Variants in GRID2 observed in about 807,000 individuals in gnomAD.
GRID2 encodes glutamate receptor ionotropic, delta-2.
In GRID2, 33 loss-of-function variants were observed where a neutral mutation model predicts 114.8. The ratio of observed to expected loss-of-function variants is 0.29; its 90% CI spans 0.22 to 0.38. The LOEUF (loss-of-function observed/expected upper bound fraction) is 0.38, where lower values mean the gene tolerates loss of function less well. Among genes scored for constraint, GRID2 ranks in the 10% least tolerant of loss-of-function variants. GRID2 has a pLI of 1.00. For missense variants in GRID2, 1,184 were observed against 1,257.7 expected (o/e 0.94, Z 0.89); for synonymous variants, 505 against 449.9 (o/e 1.12, Z -1.55).
intron 1 of GRID2, among the ~76,000 whole-genome samples, chr4:92,496,287 C>A (rs1278435971): frequency 1.3e-5 from 2 of 151,824 alleles, no homozygotes; most frequent in Non-Finnish European, 2.9e-5. Context: ...TGTCAGAAAT[C>A]AGTTTCTAAC....
intron 1 of GRID2, among the ~76,000 whole-genome samples, chr4:92,411,414 C>T (rs1330949714): frequency 6.6e-6 from 1 of 151,898 alleles, no homozygotes; most frequent in Non-Finnish European, 1.5e-5. Flanking sequence ...AGAGATCAAT[C>T]TCCAGCAAAA....
At chr4:92,935,200 C>T (rs1578522130) in intron 2 of GRID2, among the ~76,000 whole-genome samples, 1 of 145,896 alleles carries the variant, frequency 6.9e-6, no homozygotes, top group African/African-American at 2.4e-5. Flanking sequence ...AAGAAAAAAA[C>T]AACCCCATCA....
intron 1 of GRID2, among the ~76,000 whole-genome samples, chr4:92,485,319 TATATATATATATATATATATATATATATA>T (rs1560662822): frequency 1.1e-5 from 1 of 92,860 alleles, no homozygotes; most frequent in Non-Finnish European, 2.4e-5. Flanking sequence ...TATATATATA[TATATATATATATATATATATATATATATA>T]GTGTGTGTGT....
intron 2 of GRID2, among the ~76,000 whole-genome samples, chr4:92,917,111 T>C (rs945432565): frequency 2.6e-5 from 4 of 152,110 alleles, no homozygotes; most frequent in African/African-American, 9.7e-5. Context: ...CTCTGACCAG[T>C]GATGATGAGC....
intron 1 of GRID2, among the ~76,000 whole-genome samples, chr4:93,784,071 CAAAAAAAAAAAAAAA>C (rs70942993): frequency 1.8e-4 from 7 of 38,988 alleles, no homozygotes; most frequent in South Asian, 1.7e-3. Flanking sequence ...GACTCCGTCT[CAAAAAAAAAAAAAAA>C]AAAAAAAAAA....
rs147662765 is a variant in GRID2, at chr4:92,796,825, G to A, written c.244+206539G>A. Among the ~76,000 whole-genome samples the A allele has an allele frequency of 5.1e-3, 773 of 151,630 alleles. 3 individuals are homozygous for A. Among genetic ancestry groups the A allele is most frequent in the Non-Finnish European group, 9.0e-3 (613 of 67,866 alleles). ...GAACTTTAGACTTTTCCCCTTCCTC[G>A]TCAGATAATGACTTCACTTGTTCTC... On this transcript the variant is annotated intron_variant, in intron 2 of 15. Transcript: ENST00000282020.
chr4:92,879,555 A>G (rs138242942), intron 2 of GRID2, among the ~76,000 whole-genome samples: 161 of 152,318 alleles, frequency 1.1e-3, no homozygotes, highest in African/African-American at 3.8e-3. Flanking sequence ...CTTCTGCCAG[A>G]GATCCCATAT....
intron 2 of GRID2, among the ~76,000 whole-genome samples, chr4:92,609,863 G>T (rs1400725966): frequency 6.6e-6 from 1 of 151,502 alleles, no homozygotes; most frequent in East Asian, 1.9e-4. Flanking sequence ...ATTTTATTTA[G>T]AAACTCTGAT....
intron 8 of GRID2, among the ~76,000 whole-genome samples, chr4:93,320,765 C>T (rs1336503059): frequency 6.6e-6 from 1 of 151,852 alleles, no homozygotes; most frequent in African/African-American, 2.4e-5. Flanking sequence ...ATAGAAGGTG[C>T]CAAACATGAT....
Position 93,684,976 on chromosome 4 carries a change from G to A in GRID2, c.2360+58541G>A, listed in dbSNP as rs193125759. On this transcript the variant is annotated intron_variant, in intron 14 of 15. Coordinates refer to ENST00000282020, the MANE Select transcript of GRID2 (RefSeq NM_001510.4). ...GTGGTAAAAGGCTCTCTTGTTCAAG[G>A]GGTAAATAACCATTGCTGAAAATGG... Among the ~76,000 whole-genome samples, 134 of 152,068 alleles carry A rather than the reference G, an allele frequency of 8.8e-4. No individual in the cohort carries two copies. The East Asian group carries it at 0.019, about 21-fold the overall frequency.
chr4:93,562,728 C>T (rs1735042759), intron 13 of GRID2, among the ~76,000 whole-genome samples: 1 of 151,972 alleles, frequency 6.6e-6, no homozygotes, highest in Non-Finnish European at 1.5e-5. Flanking sequence ...AAGGTTACTA[C>T]CTAGATTTCT....
At chr4:92,321,694 A>G (rs982279536) in intron 1 of GRID2, among the ~76,000 whole-genome samples, 1 of 152,194 alleles carries the variant, frequency 6.6e-6, no homozygotes, top group Admixed American at 6.5e-5. Flanking sequence ...ATCAAGGTAG[A>G]TTAAATATAA....
At chr4:92,763,700 G>T in intron 2 of GRID2, among the ~76,000 whole-genome samples, 1 of 152,138 alleles carries the variant, frequency 6.6e-6, no homozygotes, top group Non-Finnish European at 1.5e-5. Context: ...CTTTAAATGA[G>T]TGGGGATACG....
At chr4:93,171,727 A>G (rs1269275314) in intron 4 of GRID2, among the ~76,000 whole-genome samples, 1 of 152,198 alleles carries the variant, frequency 6.6e-6, no homozygotes, top group African/African-American at 2.4e-5. Flanking sequence ...TCATATAGGC[A>G]TATATTGTTA....
intron 13 of GRID2, among the ~76,000 whole-genome samples, chr4:93,606,243 G>A (rs1304849239): frequency 6.6e-6 from 1 of 151,882 alleles, no homozygotes; most frequent in Non-Finnish European, 1.5e-5. Context: ...CTCCAACCTG[G>A]GCGACAAAGA....
At chr4:92,698,694 A>C (rs939965852) in intron 2 of GRID2, among the ~76,000 whole-genome samples, 2 of 151,888 alleles carry the variant, frequency 1.3e-5, no homozygotes, top group Non-Finnish European at 2.9e-5. Flanking sequence ...AATAATTCAT[A>C]AATATATTAT....
intron 2 of GRID2, among the ~76,000 whole-genome samples, chr4:92,957,856 A>G (rs866866764): frequency 2.0e-5 from 3 of 152,020 alleles, no homozygotes; most frequent in African/African-American, 7.2e-5. Context: ...TTCCTCATAT[A>G]GATTCTGTGC....
At chr4:93,104,394 T>C (rs1731997610) in intron 3 of GRID2, among the ~76,000 whole-genome samples, 1 of 152,076 alleles carries the variant, frequency 6.6e-6, no homozygotes, top group South Asian at 2.1e-4. Flanking sequence ...GCCATGCTGG[T>C]GTGCTGCACC....
intron 1 of GRID2, among the ~76,000 whole-genome samples, chr4:92,383,181 A>T (rs1729702493): frequency 6.6e-6 from 1 of 151,952 alleles, no homozygotes; most frequent in South Asian, 2.1e-4. Flanking sequence ...CGCTCCCATG[A>T]TCCAATCACC....
Sources: gnomAD v4.1 joint callset for allele counts (sites outside exome capture counted in the v4.1 genomes callset) on GRCh38, gnomAD v4.1.1 for gene constraint, MANE v1.5 for transcripts, NCBI Gene and HGNC (gene_info 2026-07-23, HGNC 2026-07-21) for gene names.